Variants in SIDT1 observed in about 807,000 individuals in gnomAD.
SIDT1 encodes SID1 transmembrane family, member 1.
SIDT1 carries 101 observed loss-of-function variants against 107.5 expected under a neutral mutation model. That is an observed-to-expected ratio of 0.94 (90% CI 0.80 to 1.11). The LOEUF (loss-of-function observed/expected upper bound fraction) is 1.11. Among genes scored for constraint, SIDT1 ranks in the 50% least tolerant of loss-of-function variants. The pLI is 0.00. For synonymous variants in SIDT1, 395 were observed against 398.2 expected, an observed-to-expected ratio of 0.99 and a Z score of 0.10; for missense variants, 1,076 against 1,058.2, an observed-to-expected ratio of 1.02 and a Z score of -0.23.
chr3:113,535,286 T>C (rs1041610060), intron 1 of SIDT1, among the ~76,000 whole-genome samples: 1 of 152,168 alleles, frequency 6.6e-6, no homozygotes, highest in East Asian at 1.9e-4. Flanking sequence ...AAATGTTTTT[T>C]TTTTTAAAGA....
chr3:113,564,439 T>C (rs1018114749), intron 1 of SIDT1, among the ~76,000 whole-genome samples: 2 of 152,212 alleles, frequency 1.3e-5, no homozygotes, highest in Non-Finnish European at 1.5e-5. Flanking sequence ...GAATGAGGAA[T>C]GACAGATGAA....
chr3:113,581,555 C>T, intron 6 of SIDT1, 111 bp downstream of exon 6: 1 of 843,890 alleles, frequency 1.2e-6, no homozygotes, highest in South Asian at 1.4e-5. Context: ...CCTAGGATCT[C>T]CTTCCTTTCT....
chr3:113,610,698 G>T (rs1465389928), intron 17 of SIDT1, among the ~76,000 whole-genome samples: 2 of 152,152 alleles, frequency 1.3e-5, no homozygotes, highest in Non-Finnish European at 2.9e-5. Flanking sequence ...AACGCAAGTG[G>T]GGGTAGTTGT....
chr3:113,627,660 G>T lies in SIDT1; in HGVS notation c.2436G>T (p.Leu812Phe), dbSNP rs774089358. The change falls in exon 25 of 25, where the codon TTG (leucine) becomes TTT (phenylalanine). Residue 812 changes from leucine to phenylalanine, a missense_variant. By Grantham distance (22) the Leu-to-Phe change is conservative (BLOSUM62 0). Transcript: ENST00000264852. ...LFFSFLVLLT[L>F]DDDLDVVRRD... ...TCTCACTTCAGGTTTTGTTAACTTT[G>T]GATGATGACCTTGATGTGGTTCGGA... is the stretch of plus-strand genomic sequence containing the variant. 11 of 1,614,010 alleles carry T rather than the reference G, an allele frequency of 6.8e-6. No individual in the cohort carries two copies. Among genetic ancestry groups the T allele is most frequent in the Non-Finnish European group, 9.3e-6 (11 of 1,180,022 alleles).
intron 6 of SIDT1, 168 bp downstream of exon 6, chr3:113,581,612 C>G: frequency 3.3e-6 from 2 of 598,128 alleles, no homozygotes; most frequent in Non-Finnish European, 5.9e-6. Flanking sequence ...GTGGCTCACA[C>G]CTGTAATCCT....
intron 20 of SIDT1, among the ~76,000 whole-genome samples, chr3:113,616,382 C>A (rs1415346581): frequency 6.6e-6 from 1 of 152,084 alleles, no homozygotes; most frequent in African/African-American, 2.4e-5. Flanking sequence ...TTTTTATAAA[C>A]AAAATATTTG....
At chr3:113,578,692 T>C (rs1943105714) in intron 4 of SIDT1, among the ~76,000 whole-genome samples, 2 of 151,534 alleles carry the variant, frequency 1.3e-5, no homozygotes, top group African/African-American at 4.9e-5. Flanking sequence ...TACAAAAACC[T>C]AAAAAATAAA....
chr3:113,588,634 G>C (rs1021481170), intron 9 of SIDT1: 1 of 152,140 alleles, frequency 6.6e-6, no homozygotes, highest in Non-Finnish European at 1.5e-5. Flanking sequence ...TTCAACATGC[G>C]TTTATGAAGC....
intron 11 of SIDT1, 175 bp downstream of exon 11, chr3:113,601,834 A>T (rs1050024592): frequency 1.8e-6 from 1 of 541,108 alleles, no homozygotes; most frequent in African/African-American, 2.0e-5. Flanking sequence ...CCCAGCTCTA[A>T]CTTTCTCCAG....
rs781720112 is a variant in SIDT1, at chr3:113,580,650, A to T, written c.604A>T (p.Ile202Phe). The T allele has an allele frequency of 3.1e-6, 5 of 1,613,216 alleles. No individual in the cohort carries two copies. The highest frequency in any genetic ancestry group is 3.4e-6 in the Non-Finnish European group (4 of 1,179,362). ...KFPKDVDSVIIKVVSEMAYPC... is the reference protein window; with the variant it reads ...KFPKDVDSVIFKVVSEMAYPC... ...TCCCAAAGACGTGGACTCAGTTATCATTAAAGTGGTGTCTGAAATGGCTTA... is the reference window on the plus strand; with the variant it reads ...TCCCAAAGACGTGGACTCAGTTATCTTTAAAGTGGTGTCTGAAATGGCTTA... Residue 202 changes from isoleucine to phenylalanine, a missense_variant, in exon 5 of 25, where the codon ATT becomes TTT. Coordinates refer to ENST00000264852, the MANE Select transcript of SIDT1 (RefSeq NM_017699.3).
intron 1 of SIDT1, among the ~76,000 whole-genome samples, chr3:113,559,438 T>A (rs1347522130): frequency 6.7e-6 from 1 of 148,924 alleles, no homozygotes; most frequent in South Asian, 2.1e-4. Context: ...TTTATTTATT[T>A]TTTTTTTTTT....
intron 9 of SIDT1, among the ~76,000 whole-genome samples, chr3:113,591,411 C>CA (rs1553798241): frequency 6.6e-6 from 1 of 151,764 alleles, no homozygotes; most frequent in East Asian, 1.9e-4. Flanking sequence ...TCCCAGCTGG[C>CA]TTTTTTACAG....
chr3:113,566,344 G>T (rs1941908844), intron 1 of SIDT1, 76 bp from the exon 2 acceptor site: 14 of 1,269,982 alleles, frequency 1.1e-5, no homozygotes, highest in Admixed American at 3.7e-5. Flanking sequence ...GTGTTTGTGT[G>T]TGTGTGTGTG....
In SIDT1 at chr3:113,623,435, T is replaced by C. The variant is rs1211362767; in HGVS notation, c.2099T>C (p.Phe700Ser). The change falls in exon 22 of 25, where the codon TTT (phenylalanine) becomes TCT (serine). Residue 700 changes from phenylalanine (F) to serine (S), a missense_variant. Transcript: ENST00000264852. Reference protein sequence around the residue: ...GNLVNWSFALFGLIYRPRDFA... With the variant: ...GNLVNWSFALSGLIYRPRDFA... ...TTCTCCCACGCCTGCAGCGCCCTCT[T>C]TGGATTGATATACCGCCCCAGGGAC... 1.9e-6 allele frequency: 3 copies of C among 1,612,656 alleles called. No individual in the cohort carries two copies. The African/African-American group carries it at 4.0e-5, about 22-fold the overall frequency.
intron 1 of SIDT1, among the ~76,000 whole-genome samples, chr3:113,536,006 G>A (rs950169170): frequency 1.3e-5 from 2 of 152,176 alleles, no homozygotes; most frequent in African/African-American, 2.4e-5. Context: ...GAATTTTACT[G>A]AAGGTTTGGA....
chr3:113,596,038 C>A (rs1944522481), intron 10 of SIDT1, among the ~76,000 whole-genome samples: 1 of 152,202 alleles, frequency 6.6e-6, no homozygotes, highest in African/African-American at 2.4e-5. Flanking sequence ...TCTCCCAAGG[C>A]CAGGATCAGC....
chr3:113,551,141 C>A (rs746250008), intron 1 of SIDT1, among the ~76,000 whole-genome samples: 4 of 152,156 alleles, frequency 2.6e-5, no homozygotes, highest in Non-Finnish European at 4.4e-5. Context: ...ATATATACCA[C>A]ATTTTCTTTA....
In SIDT1 at chr3:113,583,501, G is replaced by A. The variant is rs1943519636; in HGVS notation, c.835+5G>A. ...GAGGATCTTTCTTCATCCAGGGTAA[G>A]AGCTAGTGAGGAACACTTGGCTGCT... On this transcript the variant is annotated splice_donor_5th_base_variant and intron_variant, in intron 7 of 24. Coordinates refer to ENST00000264852, the MANE Select transcript of SIDT1 (RefSeq NM_017699.3). 1 of 1,566,814 alleles carries A rather than the reference G, an allele frequency of 6.4e-7. No homozygotes were observed. The highest frequency in any genetic ancestry group is 8.7e-7 in the Non-Finnish European group (1 of 1,145,938).
At chr3:113,566,328 TTGTGTGTGTTTGTGTGTGTGTGTG>T in intron 1 of SIDT1, 68 bp from the exon 2 acceptor site, 1 of 1,235,874 alleles carries the variant, frequency 8.1e-7, no homozygotes, top group Non-Finnish European at 1.1e-6. Context: ...GTGTGTGTGT[TTGTGTGTGTTTGTGTGTGTGTGTG>T]TGTGTGTGTG....
Sources: gnomAD v4.1 joint callset for allele counts (sites outside exome capture counted in the v4.1 genomes callset) on GRCh38, gnomAD v4.1.1 for gene constraint, MANE v1.5 for transcripts, NCBI Gene and HGNC (gene_info 2026-07-23, HGNC 2026-07-21) for gene names.